Variants in COX7B2 observed in about 807,000 individuals in gnomAD.
COX7B2 encodes cytochrome c oxidase subunit 7B2, mitochondrial.
For missense variants in COX7B2, 109 were observed against 95.9 expected (o/e 1.14, Z -0.57); for synonymous variants, 37 against 32.1 (o/e 1.15, Z -0.51).
intron 2 of COX7B2, among the ~76,000 whole-genome samples, chr4:46,828,705 G>A (rs1241173746): frequency 6.6e-6 from 1 of 151,970 alleles, no homozygotes; most frequent in African/African-American, 2.4e-5. Flanking sequence ...CTATTAAATA[G>A]AATAATTCAA....
At chr4:46,898,573 A>G (rs1158477361) in intron 1 of COX7B2, among the ~76,000 whole-genome samples, 2 of 151,930 alleles carry the variant, frequency 1.3e-5, no homozygotes, top group Non-Finnish European at 2.9e-5. Flanking sequence ...ATACACCACC[A>G]TGCCTGGCTA....
intron 2 of COX7B2, among the ~76,000 whole-genome samples, chr4:46,836,934 G>A (rs529040210): frequency 5.9e-5 from 9 of 152,134 alleles, no homozygotes; most frequent in Admixed American, 1.3e-4. Context: ...TTGAAACATC[G>A]TTATGCGGCA....
intron 1 of COX7B2, among the ~76,000 whole-genome samples, chr4:46,907,102 G>A (rs1720438171): frequency 1.3e-5 from 2 of 152,084 alleles, no homozygotes; most frequent in South Asian, 2.1e-4. Context: ...TTGAGATCTT[G>A]CCTCTTTCTC....
chr4:46,735,973 C>T (rs548417518), intron 2 of COX7B2, among the ~76,000 whole-genome samples: 9 of 152,254 alleles, frequency 5.9e-5, no homozygotes, highest in Non-Finnish European at 1.0e-4. Context: ...CAACATCTTC[C>T]ACCAGGGTTG....
chr4:46,884,345 C>T (rs1263279256), intron 1 of COX7B2, among the ~76,000 whole-genome samples: 1 of 152,134 alleles, frequency 6.6e-6, no homozygotes, highest in Non-Finnish European at 1.5e-5. Context: ...GCATGAGCCA[C>T]CATGGCCAGA....
At chr4:46,834,461 G>A (rs568821793) in intron 2 of COX7B2, among the ~76,000 whole-genome samples, 3 of 152,124 alleles carry the variant, frequency 2.0e-5, no homozygotes, top group South Asian at 4.1e-4. Context: ...ATAAACCCTA[G>A]CACATTTGGA....
intron 2 of COX7B2, among the ~76,000 whole-genome samples, chr4:46,788,904 T>C (rs1717891856): frequency 6.6e-6 from 1 of 152,142 alleles, no homozygotes; most frequent in Non-Finnish European, 1.5e-5. Context: ...CTCAGGGTGG[T>C]AGAGAGATTT....
intron 2 of COX7B2, among the ~76,000 whole-genome samples, chr4:46,802,960 C>T (rs572732426): frequency 2.0e-5 from 3 of 152,246 alleles, no homozygotes; most frequent in East Asian, 3.9e-4. Context: ...AGAAGTCCTA[C>T]GTTCCACTCC....
intron 2 of COX7B2, among the ~76,000 whole-genome samples, chr4:46,793,252 C>T (rs1718142885): frequency 1.3e-5 from 2 of 149,838 alleles, no homozygotes; most frequent in Admixed American, 1.4e-4. Context: ...GGCATCTTTC[C>T]AGCCAGAGGG....
At chr4:46,803,565 T>C (rs1339220074) in intron 2 of COX7B2, among the ~76,000 whole-genome samples, 2 of 152,134 alleles carry the variant, frequency 1.3e-5, no homozygotes, top group Non-Finnish European at 2.9e-5. Context: ...TGTAATTATA[T>C]GCTTACACTT....
chr4:46,838,419 T>C (rs1247577337), intron 2 of COX7B2, among the ~76,000 whole-genome samples: 1 of 152,068 alleles, frequency 6.6e-6, no homozygotes, highest in African/African-American at 2.4e-5. Flanking sequence ...ATTGGCATTC[T>C]GTATTAGATG....
At chr4:46,762,912 G>C (rs1393210472) in intron 2 of COX7B2, among the ~76,000 whole-genome samples, 1 of 141,002 alleles carries the variant, frequency 7.1e-6, no homozygotes, top group Non-Finnish European at 1.5e-5. Context: ...ATGGTTATTT[G>C]TGATAGTCTA....
chr4:46,798,170 C>T (rs1157079284), intron 2 of COX7B2, among the ~76,000 whole-genome samples: 1 of 152,144 alleles, frequency 6.6e-6, no homozygotes, highest in Admixed American at 6.5e-5. Flanking sequence ...AGGCCTTCTA[C>T]CTCAGTGAAA....
intron 2 of COX7B2, among the ~76,000 whole-genome samples, chr4:46,753,954 A>G (rs890815925): frequency 6.6e-6 from 1 of 152,222 alleles, no homozygotes; most frequent in African/African-American, 2.4e-5. Flanking sequence ...CAACAGACAC[A>G]TGAAAAAATG....
chr4:46,781,148 G>A (rs1433380881), intron 2 of COX7B2, among the ~76,000 whole-genome samples: 1 of 152,106 alleles, frequency 6.6e-6, no homozygotes, highest in Non-Finnish European at 1.5e-5. Flanking sequence ...TAGAAGGTGG[G>A]CAGTAGAGGA....
intron 2 of COX7B2, among the ~76,000 whole-genome samples, chr4:46,813,757 C>T (rs1419461797): frequency 6.6e-6 from 1 of 152,062 alleles, no homozygotes; most frequent in Non-Finnish European, 1.5e-5. Context: ...AAAGAGACAA[C>T]TTGTAAGGCT....
At chr4:46,751,729 A>G (rs1715392510) in intron 2 of COX7B2, among the ~76,000 whole-genome samples, 1 of 152,150 alleles carries the variant, frequency 6.6e-6, no homozygotes, top group South Asian at 2.1e-4. Flanking sequence ...AAAGACAATT[A>G]CGGTGAGACC....
chr4:46,798,225 A>C (rs1718463361), intron 2 of COX7B2, among the ~76,000 whole-genome samples: 1 of 152,206 alleles, frequency 6.6e-6, no homozygotes, highest in Non-Finnish European at 1.5e-5. Context: ...ATATCTCTTC[A>C]AAGGTGAAGG....
intron 2 of COX7B2, among the ~76,000 whole-genome samples, chr4:46,823,049 C>T (rs1714414910): frequency 6.6e-6 from 1 of 152,078 alleles, no homozygotes; most frequent in Non-Finnish European, 1.5e-5. Flanking sequence ...GCCAGTGTTA[C>T]AGTGTGAATC....
Sources: allele counts gnomAD v4.1 joint callset (sites outside exome capture counted in the v4.1 genomes callset), GRCh38; gene constraint gnomAD v4.1.1; transcripts MANE v1.5; gene names NCBI Gene and HGNC (gene_info 2026-07-23, HGNC 2026-07-21).